The following LARP6 variants were observed in gnomAD, a reference collection of about 807,000 sequenced individuals.
LARP6 encodes La ribonucleoprotein 6, translational regulator.
Under a neutral mutation model 32.8 loss-of-function variants are expected in LARP6, and 18 were observed. The ratio of observed to expected loss-of-function variants is 0.55; its 90% CI spans 0.38 to 0.81. The LOEUF (loss-of-function observed/expected upper bound fraction) is 0.81. LARP6 is among the 40% of genes least tolerant of loss of function. The pLI is 0.00. For missense variants in LARP6, 598 were observed against 663.1 expected (o/e 0.90, Z 1.08); for synonymous variants, 289 against 267.2 (o/e 1.08, Z -0.80).
Position 70,832,348 on chromosome 15 carries a change from T to C in LARP6, c.1180A>G (p.Arg394Gly), listed in dbSNP as rs1455348598. The stretch of plus-strand genomic sequence containing the variant: ...CCTTCCTCCGCCAGTGGGGACTTTC[T>C]GGAAACGCCTTTGCGTTGGGCCAAG... ...SPLAQRKGVS[R>G]KSPLAEEGRL... is the part of the protein sequence containing the mutation. The change falls in exon 3 of 3, where the codon AGA (arginine) becomes GGA (glycine). Residue 394 changes from arginine to glycine, a missense_variant. Physicochemically the swap from Arg to Gly is moderately radical, Grantham distance 125. Around this residue, in one of 3 missense-constraint regions of LARP6, gnomAD observed 368 missense variants for 397.9 expected, o/e 0.92. Transcript: ENST00000299213. 1 of 1,614,088 alleles carries C rather than the reference T, an allele frequency of 6.2e-7. No homozygotes were observed. Among genetic ancestry groups the C allele is most frequent in the East Asian group, 2.2e-5 (1 of 44,890 alleles).
chr15:70,832,774 G>C lies in LARP6; in HGVS notation c.754C>G (p.Gln252Glu). 2 of 1,606,536 alleles carry C rather than the reference G, an allele frequency of 1.2e-6. No individual in the cohort carries two copies. The highest frequency in any genetic ancestry group is 1.7e-6 in the Non-Finnish European group (2 of 1,177,006). The part of the protein sequence containing the change: ...DIRRISSRYS[Q>E]VGTQECAIVE... ...ATGGCGCACTCCTGGGTCCCCACTT[G>C]GCTGTAGCGGCTGCTGATCCTCCGG... The change falls in exon 3 of 3, where the codon CAA becomes GAA. Residue 252 changes from glutamine to glutamate, a missense_variant. Physicochemically the swap from Gln to Glu is conservative, Grantham distance 29. Coordinates refer to ENST00000299213, the MANE Select transcript of LARP6 (RefSeq NM_018357.4).
chr15:70,851,577 A>G, intron 1 of LARP6: 1 of 1,577,866 alleles, frequency 6.3e-7, no homozygotes, highest in East Asian at 2.4e-5. Flanking sequence ...GGAAACACAA[A>G]TATCTCAACA....
In LARP6 at chr15:70,832,731, A is replaced by C. The variant is rs1595949376; in HGVS notation, c.797T>G (p.Val266Gly). The part of the protein sequence containing the change: ...QECAIVEFEE[V>G]EAAIKAHEFM... ...CTCATGGGCTTTGATGGCTGCTTCC[A>C]CCTCCTCGAACTCCACGATGGCGCA... The change falls in exon 3 of 3, where the codon GTG becomes GGG. Residue 266 changes from valine (V) to glycine (G), a missense_variant. Transcript: ENST00000299213. 6.3e-7 allele frequency: 1 copy of C among 1,595,450 alleles called. No individual in the cohort carries two copies. The highest frequency in any genetic ancestry group is 8.5e-7 in the Non-Finnish European group (1 of 1,173,074).
chr15:70,833,245 C>T, intron 2 of LARP6, 129 bp from the exon 3 acceptor site: 1 of 717,758 alleles, frequency 1.4e-6, no homozygotes, highest in Non-Finnish European at 2.4e-6. Context: ...TGTCTAGAAT[C>T]ATACGTGGTA....
chr15:70,850,859 C>T (rs2032435223), intron 1 of LARP6, among the ~76,000 whole-genome samples: 1 of 152,084 alleles, frequency 6.6e-6, no homozygotes, highest in African/African-American at 2.4e-5. Flanking sequence ...CAGACTAATC[C>T]AAAATGTGAG....
intron 2 of LARP6, among the ~76,000 whole-genome samples, chr15:70,834,365 T>C (rs149057700): frequency 1.3e-5 from 2 of 152,110 alleles, no homozygotes; most frequent in Non-Finnish European, 2.9e-5. Context: ...AAGGGTCGGA[T>C]TTCAGGTGGA....
intron 1 of LARP6, among the ~76,000 whole-genome samples, chr15:70,841,288 T>C (rs532514031): frequency 6.2e-4 from 94 of 152,312 alleles, no homozygotes; most frequent in Non-Finnish European, 1.2e-3. Flanking sequence ...CCATGTCTGC[T>C]TTACTGCCTG....
chr15:70,843,304 C>G (rs2032288803), intron 1 of LARP6, among the ~76,000 whole-genome samples: 1 of 152,126 alleles, frequency 6.6e-6, no homozygotes, highest in African/African-American at 2.4e-5. Context: ...AATAGCTCAT[C>G]AAAACATTTT....
intron 2 of LARP6, among the ~76,000 whole-genome samples, chr15:70,833,517 G>A (rs922683828): frequency 7.2e-5 from 11 of 152,198 alleles, no homozygotes; most frequent in Non-Finnish European, 1.5e-4. Context: ...CCTGGAAAAT[G>A]GAGATGTTAA....
At position 70,836,569 on chromosome 15, in the gene LARP6, T is replaced by C. The variant is rs893661280; in HGVS notation, c.201-64A>G. ...TTGAACTGTGTCCCCCAAAAATTCA[T>C]ATGCTGAAGTCCTGACCCCCAATAC... On this transcript the variant is annotated intron_variant, in intron 1 of 2. Transcript: ENST00000299213. 2.7e-5 allele frequency: 37 copies of C among 1,348,314 alleles called. No homozygotes were observed. The African/African-American group carries it at 4.8e-4, about 17-fold the overall frequency. 83.5% of individuals were successfully genotyped at this position (1,348,314 alleles called of 1,614,324 possible).
Position 70,841,735 on chromosome 15 carries a change from C to T in LARP6, c.201-5230G>A, listed in dbSNP as rs143417445. On this transcript the variant is annotated intron_variant, in intron 1 of 2. Transcript: ENST00000299213. Reference sequence around the variant, plus strand: ...CTCCTGTTTCTGTGATGTGATGTGTCTGTTCTCCCTTCACCTTCCACCACA... The same window carrying T: ...CTCCTGTTTCTGTGATGTGATGTGTTTGTTCTCCCTTCACCTTCCACCACA... Among the ~76,000 whole-genome samples the T allele has an allele frequency of 2.5e-4, 38 of 152,110 alleles. No individual in the cohort carries two copies. The East Asian group carries it at 5.6e-3, about 23-fold the overall frequency.
chr15:70,851,886 A>G, intron 1 of LARP6: 1 of 1,059,000 alleles, frequency 9.4e-7, no homozygotes, highest in Non-Finnish European at 1.3e-6. Context: ...ACTAGAAATC[A>G]GTCAATCAGA....
At chr15:70,848,530 G>A (rs560244906) in intron 1 of LARP6, among the ~76,000 whole-genome samples, 18 of 152,286 alleles carry the variant, frequency 1.2e-4, no homozygotes, top group Non-Finnish European at 1.5e-4. Flanking sequence ...TCAGGAGTTC[G>A]AGACTAGCCT....
chr15:70,834,754 G>T (rs2032116965), intron 2 of LARP6, among the ~76,000 whole-genome samples: 1 of 152,234 alleles, frequency 6.6e-6, no homozygotes, highest in African/African-American at 2.4e-5. Flanking sequence ...CATAAGGAAG[G>T]TCCAGGTAGC....
At chr15:70,842,162 C>G (rs1194695813) in intron 1 of LARP6, among the ~76,000 whole-genome samples, 1 of 152,176 alleles carries the variant, frequency 6.6e-6, no homozygotes. Flanking sequence ...CCTCCCATCT[C>G]AGCCTCCCAA....
chr15:70,852,291 C>T (rs1330431838), intron 1 of LARP6: 1 of 455,746 alleles, frequency 2.2e-6, no homozygotes, highest in African/African-American at 2.0e-5. Flanking sequence ...GGGCTTCAGA[C>T]TGAACACTTG....
intron 1 of LARP6, 147 bp from the exon 2 acceptor site, chr15:70,836,652 G>T: frequency 4.5e-6 from 3 of 664,568 alleles, no homozygotes; most frequent in Non-Finnish European, 7.9e-6. Context: ...TAATTAAGAT[G>T]AGGTCTTACT....
At position 70,836,575 on chromosome 15, in the gene LARP6, G is replaced by A. The variant is rs1395633320; in HGVS notation, c.201-70C>T. 6.2e-6 allele frequency: 8 copies of A among 1,282,070 alleles called. No individual in the cohort carries two copies. In the Admixed American group the frequency reaches 8.5e-5, roughly 14 times the overall value. The allele number at this position is 1,282,070 out of a possible 1,614,324, so 79.4% of individuals were successfully genotyped here. ...TGTGTCCCCCAAAAATTCATATGCT[G>A]AAGTCCTGACCCCCAATACCTTGGA... On this transcript the variant is annotated intron_variant, in intron 1 of 2. Coordinates refer to ENST00000299213, the MANE Select transcript of LARP6 (RefSeq NM_018357.4).
At chr15:70,853,845 G>C in intron 1 of LARP6, 44 bp downstream of exon 1, 1 of 1,211,270 alleles carries the variant, frequency 8.3e-7, no homozygotes. Context: ...GCGCGGCCCG[G>C]CGCCCCCTCG....
Sources: gnomAD v4.1 joint callset for allele counts (sites outside exome capture counted in the v4.1 genomes callset) on GRCh38, gnomAD v4.1.1 for gene constraint, gnomAD v4.1.1 regional missense constraint, MANE v1.5 for transcripts, NCBI Gene and HGNC (gene_info 2026-07-23, HGNC 2026-07-21) for gene names.